PWWP2A: variants seen among roughly 807,000 people sequenced by gnomAD.
PWWP2A encodes PWWP domain-containing protein 2A.
Under a neutral mutation model 48.5 loss-of-function variants are expected in PWWP2A, and 18 were observed. The observed-to-expected ratio is 0.37, with a 90% CI of 0.26 to 0.55. PWWP2A has a LOEUF of 0.55. PWWP2A is among the 20% of genes least tolerant of loss of function. The pLI is 0.81. For missense variants in PWWP2A, 867 were observed against 976.4 expected, an observed-to-expected ratio of 0.89 and a Z score of 1.49; for synonymous variants, 396 against 387.7, an observed-to-expected ratio of 1.02 and a Z score of -0.25.
At chr5:160,076,994 T>C (rs1275705451) in exon 4 of PWWP2A, 3 of 152,294 alleles carry the variant, frequency 2.0e-5, no homozygotes, top group African/African-American at 4.8e-5. Flanking sequence ...CTTAAAAATG[T>C]AGTACTAACA....
Position 160,118,933 on chromosome 5 carries a change from C to T in PWWP2A, c.456G>A (p.Thr152=), listed in dbSNP as rs753674983. ...ALVPPAGGDS[T]VSQLIPGSEV... is the part of the protein sequence containing the mutation. The stretch of plus-strand genomic sequence containing the variant: ...CCGAGCCCGGGATCAGTTGCGACAC[C>T]GTGGAGTCCCCGCCCGCCGGCGGCA... Residue 152 remains threonine, a synonymous_variant, in exon 1 of 2, where the codon ACG becomes ACA. Coordinates refer to ENST00000307063, the MANE Select transcript of PWWP2A (RefSeq NM_001130864.2). 9 of 1,599,018 alleles carry T rather than the reference C, an allele frequency of 5.6e-6. No homozygotes were observed. The highest frequency in any genetic ancestry group is 1.4e-5 in the African/African-American group (1 of 73,496).
chr5:160,082,686 T>C lies in PWWP2A; in HGVS notation c.1550-1916A>G, dbSNP rs571604535. ...GGTTTGTGAGTCTTTTGTGCTAATG[T>C]TTAAGATAATCTTCCCCTCAATGCT... On this transcript the variant is annotated intron_variant, in intron 2 of 3. Transcript: ENST00000456329. Among the ~76,000 whole-genome samples the C allele has an allele frequency of 7.9e-5, 12 of 152,288 alleles. No individual in the cohort carries two copies. In the South Asian group the frequency reaches 2.5e-3, roughly 32 times the overall value.
intron 1 of PWWP2A, among the ~76,000 whole-genome samples, chr5:160,101,639 T>C (rs971582412): frequency 2.7e-5 from 4 of 145,908 alleles, no homozygotes; most frequent in African/African-American, 1.0e-4. Flanking sequence ...TCCTTAATGG[T>C]TAAAATACAT....
downstream of PWWP2A, among the ~76,000 whole-genome samples, chr5:160,058,524 C>T (rs533330086): frequency 6.6e-6 from 1 of 151,676 alleles, no homozygotes; most frequent in Admixed American, 6.6e-5. Flanking sequence ...CATTCTCCTG[C>T]CTCAGCCTCC....
At chr5:160,065,796 T>G (rs984010602) in intron 4 of PWWP2A, among the ~76,000 whole-genome samples, 2 of 152,240 alleles carry the variant, frequency 1.3e-5, no homozygotes, top group African/African-American at 4.8e-5. Context: ...AATCTGTGTT[T>G]GACCAAATGT....
chr5:160,089,717 C>T (rs182154388), downstream of PWWP2A: 154 of 1,245,058 alleles, frequency 1.2e-4, no homozygotes, highest in Non-Finnish European at 1.5e-4. Flanking sequence ...TGGTTTCTCC[C>T]CTGGCCAATC....
the PWWP2A span, chr5:160,051,075 G>C: frequency 2.3e-6 from 3 of 1,308,812 alleles, no homozygotes; most frequent in South Asian, 2.7e-5. Context: ...TAAAGGGAAA[G>C]GTTTTGGTTT....
chr5:160,091,731 T>G lies in PWWP2A; in HGVS notation c.*651A>C. 2 of 985,254 alleles carry G rather than the reference T, an allele frequency of 2.0e-6. No homozygotes were observed. Among genetic ancestry groups the G allele is most frequent in the South Asian group, 9.4e-5 (2 of 21,280 alleles). 61.0% of individuals were successfully genotyped at this position (985,254 alleles called of 1,614,324 possible). Reference sequence around the variant, plus strand: ...CTAACACCTATCCAGTCTTGACAGTTTTAATCCCAAACACTGGGCTATTTC... The same window carrying G: ...CTAACACCTATCCAGTCTTGACAGTGTTAATCCCAAACACTGGGCTATTTC... On this transcript the variant is annotated 3_prime_UTR_variant, in exon 2 of 2. Transcript: ENST00000307063.
At chr5:160,096,597 T>C (rs1561677379) in intron 1 of PWWP2A, among the ~76,000 whole-genome samples, 1 of 152,194 alleles carries the variant, frequency 6.6e-6, no homozygotes, top group Non-Finnish European at 1.5e-5. Context: ...TTTCAATACC[T>C]GAATGAAGAG....
At chr5:160,073,764 GC>G (rs1753800313), downstream of PWWP2A, among the ~76,000 whole-genome samples, 1 of 152,024 alleles carries the variant, frequency 6.6e-6, no homozygotes, top group Non-Finnish European at 1.5e-5. Flanking sequence ...AATTGTTAAG[GC>G]CATGAAATTT....
chr5:160,049,472 C>A, the PWWP2A span: 1 of 1,514,482 alleles, frequency 6.6e-7, no homozygotes, highest in Admixed American at 2.2e-5. Context: ...ATATGTAGGC[C>A]ATTTTTCTTT....
chr5:160,082,920 G>C (rs994067645), intron 2 of PWWP2A, among the ~76,000 whole-genome samples: 1 of 152,146 alleles, frequency 6.6e-6, no homozygotes, highest in Non-Finnish European at 1.5e-5. Context: ...GAACTGTAAT[G>C]GGCAAACCAG....
At chr5:160,073,280 G>A (rs1157623077), downstream of PWWP2A, among the ~76,000 whole-genome samples, 1 of 150,080 alleles carries the variant, frequency 6.7e-6, no homozygotes, top group Non-Finnish European at 1.5e-5. Context: ...CCAGGCTGGA[G>A]TACAGTGGCG....
chr5:160,097,123 GC>G (rs758157986), intron 1 of PWWP2A, among the ~76,000 whole-genome samples: 2 of 151,726 alleles, frequency 1.3e-5, no homozygotes, highest in South Asian at 2.1e-4. Context: ...AATTGCTTGA[GC>G]CCAGGAGTTT....
intron 1 of PWWP2A, among the ~76,000 whole-genome samples, chr5:160,109,774 A>AATATATATATATATATATAT (rs1223846862): frequency 4.8e-4 from 12 of 25,226 alleles, no homozygotes; most frequent in Non-Finnish European, 7.8e-4. Context: ...AAAAAAAAAA[A>AATATATATATATATATATAT]ATATATATAT....
At position 160,091,413 on chromosome 5, in the gene PWWP2A, A is replaced by G; in HGVS notation, c.*969T>C. The G allele has an allele frequency of 1.0e-6, 1 of 976,826 alleles. No homozygotes were observed. The highest frequency in any genetic ancestry group is 1.2e-6 in the Non-Finnish European group (1 of 823,774). 60.5% of individuals were successfully genotyped at this position (976,826 alleles called of 1,614,324 possible). On this transcript the variant is annotated 3_prime_UTR_variant, in exon 2 of 2. Coordinates refer to ENST00000307063, the MANE Select transcript of PWWP2A (RefSeq NM_001130864.2). ...TTTTTTACATTTCAGAGCATTACAC[A>G]ATTACATTTTCTCATTTTCTGACCT... is the stretch of plus-strand genomic sequence containing the variant.
At chr5:160,046,498 C>T in the PWWP2A span, among the ~76,000 whole-genome samples, 2 of 151,634 alleles carry the variant, frequency 1.3e-5, no homozygotes, top group Non-Finnish European at 2.9e-5. Context: ...TTTTTTTTCC[C>T]CTCTGTATTT....
At chr5:160,109,774 A>AATATATATATAT (rs1223846862) in intron 1 of PWWP2A, among the ~76,000 whole-genome samples, 18 of 25,222 alleles carry the variant, frequency 7.1e-4, no homozygotes, top group East Asian at 2.8e-3. Flanking sequence ...AAAAAAAAAA[A>AATATATATATAT]ATATATATAT....
downstream of PWWP2A, among the ~76,000 whole-genome samples, chr5:160,086,850 A>G (rs1754684205): frequency 2.6e-5 from 4 of 152,258 alleles, no homozygotes; most frequent in Admixed American, 2.6e-4. Context: ...ACTACTTTCC[A>G]AGTTTTACAT....
Sources: gnomAD v4.1 joint callset for allele counts (sites outside exome capture counted in the v4.1 genomes callset) on GRCh38, gnomAD v4.1.1 for gene constraint, MANE v1.5 for transcripts, NCBI Gene and HGNC (gene_info 2026-07-23, HGNC 2026-07-21) for gene names.